TBC1D15: variants seen among roughly 807,000 people sequenced by gnomAD.
TBC1D15 encodes GAP for RAB7.
A neutral mutation model predicts 95.4 loss-of-function variants in TBC1D15; 39 were observed. The ratio of observed to expected loss-of-function variants is 0.41; its 90% confidence interval spans 0.32 to 0.53. TBC1D15 has a LOEUF of 0.53. Ranked by LOEUF, TBC1D15 falls within the 20% of genes least tolerant of loss-of-function variation. The pLI is 0.29. For missense variants in TBC1D15, 733 were observed against 794.3 expected, an observed-to-expected ratio of 0.92 and a Z score of 0.93; for synonymous variants, 258 against 261.3, an observed-to-expected ratio of 0.99 and a Z score of 0.12.
At chr12:71,849,155 T>C in intron 1 of TBC1D15, 1 of 276,202 alleles carries the variant, frequency 3.6e-6, no homozygotes. Flanking sequence ...AGAAGTTAAC[T>C]GTGATTATAA....
At chr12:71,881,133 A>G (rs1367833691) in intron 4 of TBC1D15, among the ~76,000 whole-genome samples, 4 of 152,174 alleles carry the variant, frequency 2.6e-5, no homozygotes, top group African/African-American at 9.7e-5. Flanking sequence ...CCATAAGCCC[A>G]TAAGATTATA....
intron 1 of TBC1D15, chr12:71,854,726 A>G: frequency 1.1e-5 from 5 of 455,804 alleles, no homozygotes; most frequent in South Asian, 6.2e-5. Flanking sequence ...CTTCTCATTG[A>G]TAGTCTGTAT....
intron 5 of TBC1D15, among the ~76,000 whole-genome samples, chr12:71,892,433 A>G (rs1310495224): frequency 6.6e-6 from 1 of 152,022 alleles, no homozygotes; most frequent in Non-Finnish European, 1.5e-5. Context: ...TAAACATAGA[A>G]AATTTGTAGA....
At chr12:71,846,149 G>T (rs192878917) in intron 1 of TBC1D15, among the ~76,000 whole-genome samples, 1 of 152,220 alleles carries the variant, frequency 6.6e-6, no homozygotes, top group Admixed American at 6.5e-5. Context: ...GTTTGCTGTG[G>T]TCACCAGAAC....
chr12:71,893,751 G>C (rs1897639663), intron 6 of TBC1D15, among the ~76,000 whole-genome samples: 1 of 151,912 alleles, frequency 6.6e-6, no homozygotes, highest in Non-Finnish European at 1.5e-5. Flanking sequence ...GAATATTTGA[G>C]TACTGTTCTT....
intron 1 of TBC1D15, among the ~76,000 whole-genome samples, chr12:71,867,295 A>G (rs1027369101): frequency 8.5e-5 from 13 of 152,260 alleles, no homozygotes; most frequent in African/African-American, 3.1e-4. Flanking sequence ...TTAGGCAATA[A>G]CAGTTATGAT....
chr12:71,917,943 C>T (rs961738780), intron 13 of TBC1D15, 146 bp downstream of exon 13: 7 of 545,466 alleles, frequency 1.3e-5, no homozygotes, highest in Admixed American at 3.2e-5. Flanking sequence ...GGATTACTTG[C>T]ACCCAGGAGT....
chr12:71,860,867 T>C (rs907297015), intron 1 of TBC1D15, among the ~76,000 whole-genome samples: 8 of 152,170 alleles, frequency 5.3e-5, no homozygotes, highest in African/African-American at 1.9e-4. Flanking sequence ...GAGTTCATTG[T>C]GTTCAAGTAT....
At chr12:71,893,353 T>C (rs910661502) in intron 6 of TBC1D15, 29 bp downstream of exon 6, 3 of 1,510,712 alleles carry the variant, frequency 2.0e-6, no homozygotes, top group Non-Finnish European at 1.8e-6. Flanking sequence ...TCCTGTATTA[T>C]TCTGACTGCA....
intron 10 of TBC1D15, among the ~76,000 whole-genome samples, chr12:71,898,427 T>TGACTC (rs1169278649): frequency 6.6e-6 from 1 of 152,084 alleles, no homozygotes; most frequent in African/African-American, 2.4e-5. Flanking sequence ...ATTAAATAAA[T>TGACTC]GACTCCAGAT....
At chr12:71,859,233 T>G (rs1889836494) in intron 1 of TBC1D15, among the ~76,000 whole-genome samples, 1 of 152,226 alleles carries the variant, frequency 6.6e-6, no homozygotes, top group East Asian at 1.9e-4. Flanking sequence ...GAATATAAAC[T>G]TCCTGTATGT....
Position 71,872,990 on chromosome 12 carries a change from T to A in TBC1D15, c.191T>A (p.Leu64His). 6.2e-7 allele frequency: 1 copy of A among 1,605,842 alleles called. No individual in the cohort carries two copies. The highest frequency in any genetic ancestry group is 1.3e-5 in the African/African-American group (1 of 74,816). The stretch of plus-strand genomic sequence containing the variant: ...GATGCATTAGATTCCTCTAGTATTC[T>A]CTATGCTAGAAAGGTATTTAAGAAA... The part of the protein sequence containing the change: ...LDDALDSSSI[L>H]YARKDSSSVV... The change falls in exon 3 of 17, where the codon CTC (leucine) becomes CAC (histidine). Residue 64 changes from leucine (L) to histidine (H), a missense_variant. Leu to His is a moderately conservative substitution (Grantham distance 99). Coordinates refer to ENST00000485960, the MANE Select transcript of TBC1D15 (RefSeq NM_001146213.3).
chr12:71,842,319 G>T (rs1885221324), intron 1 of TBC1D15, among the ~76,000 whole-genome samples: 1 of 152,184 alleles, frequency 6.6e-6, no homozygotes, highest in African/African-American at 2.4e-5. Flanking sequence ...AGCGACTTCA[G>T]TAAAATTACT....
At chr12:71,894,526 C>T in intron 6 of TBC1D15, 160 bp from the exon 7 acceptor site, 1 of 1,159,654 alleles carries the variant, frequency 8.6e-7, no homozygotes, top group Non-Finnish European at 1.2e-6. Context: ...TTAAATTTTT[C>T]TTTGAAGAAA....
chr12:71,849,743 A>T (rs1592690139), intron 1 of TBC1D15: 1 of 557,478 alleles, frequency 1.8e-6, no homozygotes, highest in South Asian at 1.5e-5. Flanking sequence ...ATTTTGATAG[A>T]GCTCTTCTAG....
At position 71,902,771 on chromosome 12, in the gene TBC1D15, A is replaced by G. The variant is rs541119589; in HGVS notation, c.1184-4251A>G. On this transcript the variant is annotated intron_variant, in intron 10 of 16. Coordinates refer to ENST00000485960, the MANE Select transcript of TBC1D15 (RefSeq NM_001146213.3). ...TTGTGTACAGCAAAAGAAACTATCA[A>G]TCAACAGGGTAAACAGACAAGCTAC... Among the ~76,000 whole-genome samples, 16 of 152,322 alleles carry G rather than the reference A, an allele frequency of 1.1e-4. 1 individual carries two copies. In the South Asian group the frequency reaches 3.1e-3, roughly 30 times the overall value.
intron 1 of TBC1D15, among the ~76,000 whole-genome samples, chr12:71,843,938 T>A (rs1165501423): frequency 6.6e-6 from 1 of 152,180 alleles, no homozygotes; most frequent in African/African-American, 2.4e-5. Flanking sequence ...GCATTTTTTT[T>A]AGTTCCATAG....
intron 11 of TBC1D15, among the ~76,000 whole-genome samples, chr12:71,911,055 A>G (rs1230757431): frequency 6.6e-6 from 1 of 152,192 alleles, no homozygotes; most frequent in African/African-American, 2.4e-5. Context: ...GAGAAATGCA[A>G]ATCAAAACCA....
chr12:71,845,385 G>C (rs1007560404), intron 1 of TBC1D15, among the ~76,000 whole-genome samples: 2 of 152,174 alleles, frequency 1.3e-5, no homozygotes, highest in Admixed American at 6.5e-5. Context: ...GAAATGATAA[G>C]GGGCCAGTGT....
Sources: gnomAD v4.1 joint callset for allele counts (sites outside exome capture counted in the v4.1 genomes callset) on GRCh38, gnomAD v4.1.1 for gene constraint, MANE v1.5 for transcripts, NCBI Gene and HGNC (gene_info 2026-07-23, HGNC 2026-07-21) for gene names.